SYNDIG1: variants seen among roughly 807,000 people sequenced by gnomAD.
SYNDIG1 encodes synapse differentiation-inducing gene protein 1.
Under a neutral mutation model 19.4 loss-of-function variants are expected in SYNDIG1, and 9 were observed. The observed-to-expected ratio is 0.46, with a 90% CI of 0.28 to 0.81. The LOEUF (loss-of-function observed/expected upper bound fraction) is 0.81, where lower values mean the gene tolerates loss of function less well. Ranked by LOEUF, SYNDIG1 falls within the 30% of genes least tolerant of loss-of-function variation. SYNDIG1 has a pLI of 0.12. For missense variants in SYNDIG1, 311 were observed against 343.3 expected, an observed-to-expected ratio of 0.91 and a Z score of 0.74; for synonymous variants, 141 against 145.9, an observed-to-expected ratio of 0.97 and a Z score of 0.24.
At chr20:24,475,148 C>T (rs2055581801) in intron 1 of SYNDIG1, among the ~76,000 whole-genome samples, 1 of 152,158 alleles carries the variant, frequency 6.6e-6, no homozygotes, top group Non-Finnish European at 1.5e-5. Flanking sequence ...GTGGTACAGA[C>T]CCTCAGCTAG....
At chr20:24,484,079 C>T (rs1264442538) in intron 1 of SYNDIG1, among the ~76,000 whole-genome samples, 1 of 152,098 alleles carries the variant, frequency 6.6e-6, no homozygotes, top group East Asian at 1.9e-4. Context: ...TTACTGAGAT[C>T]CAGGTGCCCA....
chr20:24,535,696 G>A (rs554326641), intron 1 of SYNDIG1, among the ~76,000 whole-genome samples: 1 of 152,192 alleles, frequency 6.6e-6, no homozygotes, highest in Non-Finnish European at 1.5e-5. Flanking sequence ...AATAACAAGG[G>A]TGACACCACT....
At chr20:24,665,247 A>C in intron 3 of SYNDIG1, 99 bp from the exon 4 acceptor site, 1 of 1,423,420 alleles carries the variant, frequency 7.0e-7, no homozygotes, top group Non-Finnish European at 9.5e-7. Flanking sequence ...CTGCATCAAC[A>C]ATGCCTTTTT....
chr20:24,486,006 T>C (rs1255141781), intron 1 of SYNDIG1, among the ~76,000 whole-genome samples: 1 of 152,196 alleles, frequency 6.6e-6, no homozygotes, highest in Non-Finnish European at 1.5e-5. Context: ...GAGGATTTAA[T>C]GAGAACTTAA....
In SYNDIG1 at chr20:24,478,716, G is replaced by A. The variant is rs552511554; in HGVS notation, c.-79+8963G>A. Among the ~76,000 whole-genome samples the A allele has an allele frequency of 1.1e-4, 16 of 152,304 alleles. No individual in the cohort carries two copies. The East Asian group carries it at 3.1e-3, about 29-fold the overall frequency. Reference sequence around the variant, plus strand: ...GTGCTTTTCAGTGGTTTCCTGGGAGGAGAGCGCCACAGCCAGTCAGGGGCA... The same window carrying A: ...GTGCTTTTCAGTGGTTTCCTGGGAGAAGAGCGCCACAGCCAGTCAGGGGCA... On this transcript the variant is annotated intron_variant, in intron 1 of 3. Transcript: ENST00000376862.
rs2059546168 is a variant in SYNDIG1 at position 24,658,006 on chromosome 20, G to T, written c.619-7340G>T. On this transcript the variant is annotated intron_variant, in intron 3 of 3. Coordinates refer to ENST00000376862, the MANE Select transcript of SYNDIG1 (RefSeq NM_024893.3). This position sits in a 1 kb window ranked among gnomAD's most constrained non-coding sequence, Gnocchi z 4.4. ...CTCGGGAGGCAGGTGTCTGGCGAGG[G>T]CATAACTGCTGAGGACCCCCAGCTG... Among the ~76,000 whole-genome samples the T allele has an allele frequency of 6.6e-6, 1 of 152,156 alleles. No homozygotes were observed.
intron 1 of SYNDIG1, among the ~76,000 whole-genome samples, chr20:24,477,290 C>G (rs190814811): frequency 1.3e-4 from 20 of 152,260 alleles, no homozygotes; most frequent in African/African-American, 4.6e-4. Context: ...CCTACCGTCT[C>G]ACCATTGATG....
At chr20:24,580,920 G>C (rs2146999268) in intron 2 of SYNDIG1, among the ~76,000 whole-genome samples, 1 of 152,300 alleles carries the variant, frequency 6.6e-6, no homozygotes, top group East Asian at 1.9e-4. Flanking sequence ...GCCTCCAAGT[G>C]CCTACGTGGT....
chr20:24,542,638 T>C (rs759514867), intron 1 of SYNDIG1, among the ~76,000 whole-genome samples: 1 of 152,244 alleles, frequency 6.6e-6, no homozygotes, highest in Non-Finnish European at 1.5e-5. Flanking sequence ...GAAGAGCTAA[T>C]CGCCTTTACA....
chr20:24,559,195 A>T (rs2057886149), intron 2 of SYNDIG1, among the ~76,000 whole-genome samples: 1 of 152,226 alleles, frequency 6.6e-6, no homozygotes, highest in Non-Finnish European at 1.5e-5. Context: ...TTGCAGCAAC[A>T]TGGATGGAAC....
At chr20:24,469,852 C>CCCTGCGCTGGCGGGTGT (rs1276276174) in intron 1 of SYNDIG1, 99 bp downstream of exon 1, 5 of 152,184 alleles carry the variant, frequency 3.3e-5, no homozygotes, top group African/African-American at 1.2e-4. Context: ...CTGGAGGCTG[C>CCCTGCGCTGGCGGGTGT]CCTGCGCTGG....
intron 1 of SYNDIG1, among the ~76,000 whole-genome samples, chr20:24,493,736 G>C (rs2056221267): frequency 6.6e-6 from 1 of 152,146 alleles, no homozygotes; most frequent in Non-Finnish European, 1.5e-5. Flanking sequence ...GCAGAGCTCT[G>C]TTTTGACACT....
chr20:24,583,332 C>T (rs1184228317), intron 2 of SYNDIG1, among the ~76,000 whole-genome samples: 2 of 152,186 alleles, frequency 1.3e-5, no homozygotes, highest in Non-Finnish European at 2.9e-5. Flanking sequence ...CTGGAAGCCT[C>T]CTGAAGAAAT....
chr20:24,534,380 T>A (rs1179837115), intron 1 of SYNDIG1, among the ~76,000 whole-genome samples: 1 of 152,168 alleles, frequency 6.6e-6, no homozygotes, highest in Non-Finnish European at 1.5e-5. Flanking sequence ...CCTGAGGTTG[T>A]CAGCACAAGC....
At chr20:24,646,391 C>T (rs919291510) in intron 3 of SYNDIG1, among the ~76,000 whole-genome samples, 1 of 152,136 alleles carries the variant, frequency 6.6e-6, no homozygotes, top group Non-Finnish European at 1.5e-5. Context: ...GGTGGAAAGC[C>T]TTTGGGTCAA....
intron 3 of SYNDIG1, among the ~76,000 whole-genome samples, chr20:24,659,045 C>G (rs1181170359): frequency 2.0e-5 from 3 of 152,068 alleles, no homozygotes; most frequent in South Asian, 4.2e-4. Flanking sequence ...CCCCTCCTTT[C>G]CTGGGTTACC....
At chr20:24,510,226 G>T (rs1246480473) in intron 1 of SYNDIG1, among the ~76,000 whole-genome samples, 1 of 152,114 alleles carries the variant, frequency 6.6e-6, no homozygotes, top group African/African-American at 2.4e-5. Flanking sequence ...TGTTGCTGTT[G>T]TTGAGAAACC....
At chr20:24,475,471 T>C (rs1444898284) in intron 1 of SYNDIG1, among the ~76,000 whole-genome samples, 1 of 152,176 alleles carries the variant, frequency 6.6e-6, no homozygotes, top group African/African-American at 2.4e-5. Flanking sequence ...ATGGGTCGAG[T>C]GCCCCATGGG....
At chr20:24,651,139 A>T (rs927562994) in intron 3 of SYNDIG1, among the ~76,000 whole-genome samples, 38 of 152,128 alleles carry the variant, frequency 2.5e-4, no homozygotes, top group African/African-American at 8.4e-4. Flanking sequence ...TTTCCTTATC[A>T]CTTCAGCTTG....
Sources: gnomAD v4.1 joint callset for allele counts (sites outside exome capture counted in the v4.1 genomes callset) on GRCh38, gnomAD v4.1.1 for gene constraint, Gnocchi (gnomAD v3.1) non-coding constraint, MANE v1.5 for transcripts, NCBI Gene and HGNC (gene_info 2026-07-23, HGNC 2026-07-21) for gene names.